QTGAL: variants seen among roughly 807,000 people sequenced by gnomAD.
QTGAL encodes queuosine-tRNA galactosyltransferase, also known as BGnT-like protein 1.
At chr17:82,972,833 T>A in the QTGAL span, among the ~76,000 whole-genome samples, 2 of 96,262 alleles carry the variant, frequency 2.1e-5, no homozygotes, top group Non-Finnish European at 4.3e-5. Flanking sequence ...TAGAAGGACC[T>A]GGTGCCGACC....
chr17:82,970,610 ACCTCCCCACCCG>A, the QTGAL span, among the ~76,000 whole-genome samples: 13 of 139,754 alleles, frequency 9.3e-5, 2 homozygotes, highest in Admixed American at 1.4e-4. Flanking sequence ...CGTGGCCGCG[ACCTCCCCACCCG>A]GCGTGGCCGC....
At chr17:83,031,472 C>T in the QTGAL span, among the ~76,000 whole-genome samples, 102 of 152,046 alleles carry the variant, frequency 6.7e-4, 2 homozygotes, top group African/African-American at 2.3e-3. Context: ...AACTCAGCGA[C>T]GGCTGCCCGA....
At chr17:83,017,156 A>C in the QTGAL span, among the ~76,000 whole-genome samples, 241 of 152,168 alleles carry the variant, frequency 1.6e-3, no homozygotes, top group African/African-American at 5.2e-3. Flanking sequence ...GATCTCGTGG[A>C]GGTAGAAGGA....
the QTGAL span, among the ~76,000 whole-genome samples, chr17:83,019,877 G>A: frequency 2.0e-5 from 3 of 151,974 alleles, no homozygotes; most frequent in Admixed American, 2.0e-4. Context: ...GGAATTACAG[G>A]CGCCCACCAC....
the QTGAL span, among the ~76,000 whole-genome samples, chr17:82,966,224 T>TA: frequency 6.6e-6 from 1 of 151,814 alleles, no homozygotes; most frequent in Non-Finnish European, 1.5e-5. Context: ...GCTATTTTCT[T>TA]ACATTTCTTT....
At chr17:82,957,147 G>T in the QTGAL span, 1 of 1,613,400 alleles carries the variant, frequency 6.2e-7, no homozygotes, top group South Asian at 1.1e-5. Flanking sequence ...GCAGGTGGTT[G>T]ACCCCAAGGG....
the QTGAL span, among the ~76,000 whole-genome samples, chr17:83,008,620 C>A: frequency 6.6e-6 from 1 of 152,212 alleles, no homozygotes; most frequent in South Asian, 2.1e-4. Flanking sequence ...CAGCATGACA[C>A]CACGTGACAC....
the QTGAL span, chr17:83,051,745 CCTGCA>C: frequency 6.7e-7 from 1 of 1,497,720 alleles, no homozygotes; most frequent in Non-Finnish European, 8.8e-7. Flanking sequence ...ACCACGTGGG[CCTGCA>C]TGGCCTGGCT....
the QTGAL span, chr17:83,014,392 T>TA: frequency 1.3e-6 from 2 of 1,564,332 alleles, no homozygotes; most frequent in Non-Finnish European, 8.8e-7. Context: ...ACTCTTTATT[T>TA]AAAAAACCAC....
the QTGAL span, among the ~76,000 whole-genome samples, chr17:83,044,465 T>C: frequency 8.9e-4 from 136 of 152,252 alleles, no homozygotes; most frequent in African/African-American, 3.2e-3. Flanking sequence ...TTCAACAGAC[T>C]AGAATTAAAA....
At chr17:83,009,133 G>A in the QTGAL span, among the ~76,000 whole-genome samples, 11 of 152,046 alleles carry the variant, frequency 7.2e-5, no homozygotes, top group Admixed American at 1.3e-4. Flanking sequence ...GGGCTGGAAC[G>A]TAACTCAGGG....
the QTGAL span, among the ~76,000 whole-genome samples, chr17:82,964,052 A>C: frequency 6.7e-6 from 1 of 150,248 alleles, no homozygotes; most frequent in Non-Finnish European, 1.5e-5. Flanking sequence ...GCTTGAGCCC[A>C]GGAGTTCGAG....
the QTGAL span, among the ~76,000 whole-genome samples, chr17:82,995,539 C>T: frequency 9.9e-5 from 15 of 152,156 alleles, no homozygotes; most frequent in East Asian, 3.9e-4. Flanking sequence ...TGTGCCACCA[C>T]GCCTGGCTAA....
chr17:82,957,336 T>C, the QTGAL span: 1 of 1,613,556 alleles, frequency 6.2e-7, no homozygotes, highest in Non-Finnish European at 8.5e-7. Flanking sequence ...GCAGGCAGTG[T>C]TGGAGGGTGG....
At chr17:82,966,097 T>C in the QTGAL span, among the ~76,000 whole-genome samples, 1 of 151,678 alleles carries the variant, frequency 6.6e-6, no homozygotes, top group East Asian at 1.9e-4. Context: ...TTTTTTTTTT[T>C]TGTAGAGATG....
the QTGAL span, chr17:82,961,251 C>T: frequency 1.3e-6 from 2 of 1,539,060 alleles, no homozygotes; most frequent in East Asian, 2.4e-5. Flanking sequence ...ATGCACACTA[C>T]ACCTGCGCTC....
chr17:83,010,093 ACCCTGGTGTGGGGGGGGCTGCGGGGGC>A, the QTGAL span, among the ~76,000 whole-genome samples: 10 of 37,750 alleles, frequency 2.6e-4, no homozygotes, highest in African/African-American at 1.0e-3. Flanking sequence ...GCTGCAGGGG[ACCCTGGTGTGGGGGGGGCTGCGGGGGC>A]CCCTGGTGTG....
the QTGAL span, chr17:82,956,577 C>G: frequency 8.5e-7 from 1 of 1,178,406 alleles, no homozygotes; most frequent in African/African-American, 1.6e-5. The surrounding 1 kb of genome is among the most constrained non-coding windows in gnomAD (Gnocchi z 5.7). Context: ...GTCCCCATGC[C>G]CACCATCGGC....
chr17:82,971,644 C>T, the QTGAL span, among the ~76,000 whole-genome samples: 21,235 of 70,508 alleles, frequency 0.3, 2,219 homozygotes, highest in East Asian at 0.42. Flanking sequence ...GACCTGGTGC[C>T]GACCACACCA....
Sources: allele counts gnomAD v4.1 joint callset (sites outside exome capture counted in the v4.1 genomes callset), GRCh38; gene constraint gnomAD v4.1.1; non-coding constraint Gnocchi (gnomAD v3.1); transcripts MANE v1.5; gene names NCBI Gene and HGNC (gene_info 2026-07-23, HGNC 2026-07-21).